The following ADGRL2 variants were observed in gnomAD, a reference collection of about 807,000 sequenced individuals.
ADGRL2 encodes adhesion G protein-coupled receptor L2.
A neutral mutation model predicts 157.4 loss-of-function variants in ADGRL2; 44 were observed. The observed-to-expected ratio is 0.28, with a 90% CI of 0.22 to 0.36. The LOEUF is 0.36. ADGRL2 is among the 10% of genes least tolerant of loss of function. ADGRL2 has a pLI of 1.00. For synonymous variants in ADGRL2, 585 were observed against 624.7 expected, an observed-to-expected ratio of 0.94 and a Z score of 0.95; for missense variants, 1,510 against 1,768.9, an observed-to-expected ratio of 0.85 and a Z score of 2.63.
intron 2 of ADGRL2, among the ~76,000 whole-genome samples, chr1:81,478,537 CTGTT>C (rs1199010866): frequency 1.3e-5 from 2 of 152,184 alleles, no homozygotes; most frequent in East Asian, 3.9e-4. Context: ...ATTTAAATCT[CTGTT>C]TGGAAAAAGG....
At chr1:81,922,719 A>G (rs2095014803) in intron 3 of ADGRL2, among the ~76,000 whole-genome samples, 2 of 152,158 alleles carry the variant, frequency 1.3e-5, no homozygotes. Context: ...ATCACAGATG[A>G]ATAAAAAGTT....
intron 2 of ADGRL2, among the ~76,000 whole-genome samples, chr1:81,527,372 G>C (rs2079485196): frequency 6.6e-6 from 1 of 152,114 alleles, no homozygotes; most frequent in African/African-American, 2.4e-5. Flanking sequence ...GAGGAGTTTA[G>C]GTCGCCTCCT....
chr1:81,901,827 G>T (rs189052622), intron 2 of ADGRL2, among the ~76,000 whole-genome samples: 14 of 152,180 alleles, frequency 9.2e-5, no homozygotes, highest in African/African-American at 3.1e-4. Flanking sequence ...AAGTTTTCAG[G>T]AAAATAGTGT....
At chr1:81,559,586 GT>G (rs1187760521) in intron 2 of ADGRL2, among the ~76,000 whole-genome samples, 1 of 151,808 alleles carries the variant, frequency 6.6e-6, no homozygotes, top group East Asian at 1.9e-4. Context: ...TATAACTTTA[GT>G]GTCTTATTAT....
Position 81,690,343 on chromosome 1 carries a change from A to T in ADGRL2, c.-142-71468A>T, listed in dbSNP as rs567855732. Among the ~76,000 whole-genome samples, 566 of 152,300 alleles carry T rather than the reference A, an allele frequency of 3.7e-3. 1 individual carries two copies. The highest frequency in any genetic ancestry group is 5.1e-3 in the Non-Finnish European group (344 of 68,032). On this transcript the variant is annotated intron_variant, in intron 3 of 24. Transcript: ENST00000370721. ...CCCCATCTCTACTAAAAATACAAAAATTAGCCAGGCATGGTGGTGCATGCC... is the reference window on the plus strand; with the variant it reads ...CCCCATCTCTACTAAAAATACAAAATTTAGCCAGGCATGGTGGTGCATGCC...
intron 18 of ADGRL2, chr1:81,980,884 T>A: frequency 1.6e-6 from 1 of 627,654 alleles, no homozygotes; most frequent in Non-Finnish European, 3.0e-6. Context: ...ATGATTTGTA[T>A]TTTTTACAAA....
intron 1 of ADGRL2, among the ~76,000 whole-genome samples, 50 bp downstream of exon 1, chr1:81,801,118 C>T (rs1294174880): frequency 6.6e-6 from 1 of 152,106 alleles, no homozygotes; most frequent in Non-Finnish European, 1.5e-5. Context: ...CGCACAGCCG[C>T]AGCAGCTGCT....
At position 81,336,145 on chromosome 1, in the gene ADGRL2, T is replaced by C. The variant is rs151000438; in HGVS notation, c.-302+29636T>C. Among the ~76,000 whole-genome samples the C allele has an allele frequency of 2.6e-5, 4 of 152,332 alleles. 1 individual carries two copies. The highest frequency in any genetic ancestry group is 5.9e-5 in the Non-Finnish European group (4 of 68,024). ...CGTTCAGTGGCCTTGTCGGAGATTC[T>C]CCTCTACTATGCCAGCCTGCCACTT... On this transcript the variant is annotated intron_variant, in intron 1 of 24. Transcript: ENST00000370721.
chr1:81,846,396 G>A (rs1267267058), intron 2 of ADGRL2, among the ~76,000 whole-genome samples: 1 of 99,242 alleles, frequency 1.0e-5, no homozygotes, highest in Non-Finnish European at 2.4e-5. Flanking sequence ...AGAAGCAAAA[G>A]CATGACTGTA....
At chr1:81,787,520 T>G (rs1239979024) in intron 2 of ADGRL2, among the ~76,000 whole-genome samples, 7 of 152,038 alleles carry the variant, frequency 4.6e-5, no homozygotes, top group Admixed American at 1.3e-4. Flanking sequence ...CCGGGTGTGG[T>G]GGCACACGCT....
intron 3 of ADGRL2, among the ~76,000 whole-genome samples, chr1:81,688,854 TG>T (rs1348306326): frequency 1.3e-5 from 2 of 152,186 alleles, no homozygotes; most frequent in Admixed American, 1.3e-4. Context: ...CTTTTTCCCA[TG>T]GGGTGTTCCC....
intron 1 of ADGRL2, among the ~76,000 whole-genome samples, chr1:81,358,520 C>T (rs765102076): frequency 1.3e-5 from 2 of 152,060 alleles, no homozygotes; most frequent in Admixed American, 6.6e-5. Flanking sequence ...GCAGTAGAGA[C>T]CCCAATTTTG....
intron 1 of ADGRL2, among the ~76,000 whole-genome samples, chr1:81,422,191 T>C (rs2077137721): frequency 6.6e-6 from 1 of 152,056 alleles, no homozygotes; most frequent in Non-Finnish European, 1.5e-5. Flanking sequence ...AAACTTCTTT[T>C]TTTTTTAACA....
At chr1:81,527,447 C>A (rs12566927) in intron 2 of ADGRL2, among the ~76,000 whole-genome samples, 83,887 of 152,042 alleles carry the variant, frequency 0.55, 24,166 homozygotes, top group East Asian at 0.67. Flanking sequence ...CACGGTGGCT[C>A]AGGCCTGTAA....
At chr1:81,504,120 C>T (rs1312669298) in intron 2 of ADGRL2, among the ~76,000 whole-genome samples, 1 of 152,232 alleles carries the variant, frequency 6.6e-6, no homozygotes, top group African/African-American at 2.4e-5. Flanking sequence ...GCCCACAGGG[C>T]ATCTGCTGAT....
chr1:81,374,996 C>T (rs1234187606), intron 1 of ADGRL2, among the ~76,000 whole-genome samples: 1 of 152,146 alleles, frequency 6.6e-6, no homozygotes, highest in Non-Finnish European at 1.5e-5. Flanking sequence ...AGATACCATG[C>T]CCAGCACCAG....
At chr1:81,815,707 T>A (rs2090329793) in intron 1 of ADGRL2, among the ~76,000 whole-genome samples, 1 of 151,982 alleles carries the variant, frequency 6.6e-6, no homozygotes, top group African/African-American at 2.4e-5. Context: ...CCTACTTTAA[T>A]ACTGTAGTTA....
chr1:81,359,084 T>TA (rs760435009), intron 1 of ADGRL2, among the ~76,000 whole-genome samples: 7 of 151,346 alleles, frequency 4.6e-5, no homozygotes, highest in South Asian at 2.1e-4. Context: ...TAAAAAAAAT[T>TA]AAAAAAAAGA....
chr1:81,844,690 C>A (rs2092719356), intron 2 of ADGRL2, among the ~76,000 whole-genome samples: 1 of 152,186 alleles, frequency 6.6e-6, no homozygotes, highest in South Asian at 2.1e-4. Context: ...TTCCTGAACT[C>A]CTTTTGTCAA....
Sources: allele counts gnomAD v4.1 joint callset (sites outside exome capture counted in the v4.1 genomes callset), GRCh38; gene constraint gnomAD v4.1.1; transcripts MANE v1.5; gene names NCBI Gene and HGNC (gene_info 2026-07-23, HGNC 2026-07-21).